The following XRCC4 variants were observed in gnomAD, a reference collection of about 807,000 sequenced individuals.
XRCC4 encodes DNA repair protein XRCC4.
XRCC4 carries 28 observed loss-of-function variants against 39.1 expected under a neutral mutation model. The observed-to-expected ratio is 0.72, with a 90% CI of 0.53 to 0.98. The LOEUF (loss-of-function observed/expected upper bound fraction) is 0.98, where lower values mean the gene tolerates loss of function less well. Ranked by LOEUF, XRCC4 falls within the 50% of genes least tolerant of loss-of-function variation. XRCC4 has a pLI of 0.00. For missense variants in XRCC4, 350 were observed against 376.4 expected (o/e 0.93, Z 0.58); for synonymous variants, 123 against 126.4 (o/e 0.97, Z 0.18).
chr5:83,359,327 C>T, the XRCC4 span, among the ~76,000 whole-genome samples: 2 of 152,106 alleles, frequency 1.3e-5, no homozygotes, highest in South Asian at 2.1e-4. Context: ...ATGCTTTATA[C>T]CACATGACCC....
chr5:83,210,644 A>G (rs1751607364), intron 6 of XRCC4, among the ~76,000 whole-genome samples: 1 of 149,870 alleles, frequency 6.7e-6, no homozygotes, highest in Admixed American at 6.6e-5. Context: ...CCACTGATAC[A>G]AGAGAATAAT....
At chr5:83,274,599 T>C (rs1754260269) in intron 7 of XRCC4, among the ~76,000 whole-genome samples, 3 of 152,124 alleles carry the variant, frequency 2.0e-5, no homozygotes, top group Admixed American at 1.3e-4. Flanking sequence ...ATAATTAAGG[T>C]GATGCAAAAG....
At chr5:83,113,197 C>T (rs1746532142) in intron 3 of XRCC4, among the ~76,000 whole-genome samples, 1 of 152,208 alleles carries the variant, frequency 6.6e-6, no homozygotes, top group South Asian at 2.1e-4. Context: ...AAAGAGGCTA[C>T]AGGCGCCATG....
chr5:83,237,656 A>C (rs955710992), intron 6 of XRCC4, among the ~76,000 whole-genome samples: 1 of 152,124 alleles, frequency 6.6e-6, no homozygotes. Context: ...ATAAAATCTA[A>C]TGTTCAGTAG....
intron 7 of XRCC4, among the ~76,000 whole-genome samples, chr5:83,287,382 T>C (rs180789399): frequency 1.3e-5 from 2 of 152,208 alleles, no homozygotes; most frequent in East Asian, 3.9e-4. Flanking sequence ...AGCACAGCTT[T>C]CTATGCCTTA....
intron 1 of XRCC4, among the ~76,000 whole-genome samples, chr5:83,088,644 C>A (rs1171328099): frequency 3.9e-5 from 6 of 152,120 alleles, no homozygotes; most frequent in Admixed American, 1.3e-4. Flanking sequence ...TTCATTAATT[C>A]TTTTGGGGAA....
intron 7 of XRCC4, among the ~76,000 whole-genome samples, chr5:83,300,576 G>GTGTA (rs1755245748): frequency 1.3e-5 from 1 of 77,414 alleles, no homozygotes; most frequent in Admixed American, 1.9e-4. Flanking sequence ...GTGTGTGTGT[G>GTGTA]TCCCTTTTTT....
intron 7 of XRCC4, among the ~76,000 whole-genome samples, chr5:83,311,622 A>G (rs1364878704): frequency 1.3e-5 from 2 of 151,774 alleles, no homozygotes; most frequent in African/African-American, 4.9e-5. Context: ...AAGACTTTCA[A>G]CCATAAAAAA....
chr5:83,207,210 C>G (rs1374301239), intron 6 of XRCC4, among the ~76,000 whole-genome samples: 2 of 152,022 alleles, frequency 1.3e-5, no homozygotes, highest in African/African-American at 4.8e-5. Context: ...GAGTATCTTA[C>G]CAATATTTGA....
intron 1 of XRCC4, among the ~76,000 whole-genome samples, chr5:83,082,480 T>C (rs888149766): frequency 1.3e-5 from 2 of 152,232 alleles, no homozygotes; most frequent in Non-Finnish European, 2.9e-5. Flanking sequence ...AACTTTCTAT[T>C]ATCTTTGTAA....
intron 7 of XRCC4, among the ~76,000 whole-genome samples, chr5:83,318,539 C>G (rs1328876098): frequency 1.6e-5 from 1 of 61,732 alleles, no homozygotes; most frequent in Non-Finnish European, 2.6e-5. Context: ...ACAAAAATCA[C>G]AAGCATTCTT....
chr5:83,195,950 T>A lies in XRCC4; in HGVS notation c.482+14T>A, dbSNP rs923802199. 1.3e-6 allele frequency: 2 copies of A among 1,552,816 alleles called. No individual in the cohort carries two copies. Among genetic ancestry groups the A allele is most frequent in the African/African-American group, 2.7e-5 (2 of 72,786 alleles). On this transcript the variant is annotated intron_variant, in intron 4 of 7. Transcript: ENST00000396027. ...TGTTCAAGGACGGTGTGTACACAGTTTGCTTGTGGTATAAAAATACGGAGC... is the reference window on the plus strand; with the variant it reads ...TGTTCAAGGACGGTGTGTACACAGTATGCTTGTGGTATAAAAATACGGAGC...
At chr5:83,348,077 C>T (rs966316421) in intron 7 of XRCC4, among the ~76,000 whole-genome samples, 12 of 152,154 alleles carry the variant, frequency 7.9e-5, no homozygotes, top group Non-Finnish European at 1.6e-4. Flanking sequence ...AAACTCTGCC[C>T]CTGTGGCTCT....
intron 3 of XRCC4, among the ~76,000 whole-genome samples, chr5:83,155,025 T>C (rs935641146): frequency 2.6e-5 from 4 of 152,222 alleles, no homozygotes. Flanking sequence ...GGAAATTCTT[T>C]ACTCCTCTAC....
intron 6 of XRCC4, among the ~76,000 whole-genome samples, chr5:83,235,023 C>G (rs896402894): frequency 6.6e-6 from 1 of 151,312 alleles, no homozygotes; most frequent in Non-Finnish European, 1.5e-5. Context: ...TTGATAGTGG[C>G]ATTGGTAATG....
chr5:83,195,702 A>C, intron 3 of XRCC4, 68 bp from the exon 4 acceptor site: 3 of 1,369,438 alleles, frequency 2.2e-6, no homozygotes, highest in Non-Finnish European at 2.9e-6. Flanking sequence ...GAAATTGTGT[A>C]TGCTTAAAAC....
chr5:83,120,314 T>A lies in XRCC4; in HGVS notation c.315+9111T>A, dbSNP rs186031394. 5.9e-3 allele frequency among the ~76,000 whole-genome samples: 894 copies of A among 152,316 alleles called. 15 individuals carry two copies. The Middle Eastern group carries it at 0.082, about 14-fold the overall frequency. ...TATGAATACCAAATCAGTTTTTTTTTAAATTTGTTTAGGGATAATTTACAA... is the reference window on the plus strand; with the variant it reads ...TATGAATACCAAATCAGTTTTTTTTAAAATTTGTTTAGGGATAATTTACAA... On this transcript the variant is annotated intron_variant, in intron 3 of 7. Transcript: ENST00000396027.
At chr5:83,366,021 C>T in the XRCC4 span, among the ~76,000 whole-genome samples, 2 of 152,158 alleles carry the variant, frequency 1.3e-5, no homozygotes, top group South Asian at 4.1e-4. Context: ...CCCCTAGTAA[C>T]CACTGGTGAT....
At chr5:83,080,726 C>G (rs75740303) in intron 1 of XRCC4, among the ~76,000 whole-genome samples, 2 of 152,002 alleles carry the variant, frequency 1.3e-5, no homozygotes, top group Non-Finnish European at 2.9e-5. Context: ...TATCACAGTG[C>G]GTGTGTTCTA....
Sources: gnomAD v4.1 joint callset for allele counts (sites outside exome capture counted in the v4.1 genomes callset) on GRCh38, gnomAD v4.1.1 for gene constraint, MANE v1.5 for transcripts, NCBI Gene and HGNC (gene_info 2026-07-23, HGNC 2026-07-21) for gene names.